Variants in FBXL19 observed in about 807,000 individuals in gnomAD.
FBXL19 encodes F-box/LRR-repeat protein 19.
A neutral mutation model predicts 71.2 loss-of-function variants in FBXL19; 16 were observed. The ratio of observed to expected loss-of-function variants is 0.22; its 90% CI spans 0.15 to 0.34. FBXL19 has a LOEUF of 0.34. Ranked by LOEUF, FBXL19 falls within the 10% of genes least tolerant of loss-of-function variation. The probability of loss-of-function intolerance (pLI) is 1.00; values close to 1 mark genes in which losing one functional copy is unlikely to be tolerated. For missense variants in FBXL19, 658 were observed against 968.2 expected, an observed-to-expected ratio of 0.68 and a Z score of 4.25; for synonymous variants, 447 against 409.4, an observed-to-expected ratio of 1.09 and a Z score of -1.11.
At chr16:30,936,531 T>C (rs2055735167) in intron 7 of FBXL19, among the ~76,000 whole-genome samples, 1 of 150,996 alleles carries the variant, frequency 6.6e-6, no homozygotes, top group East Asian at 1.9e-4. Context: ...ATTCACGCCA[T>C]TCTCCTGCCT....
At position 30,925,292 on chromosome 16, in the gene FBXL19, G is replaced by A. The variant is rs564975738; in HGVS notation, c.-24-439G>A. On this transcript the variant is annotated intron_variant, in intron 1 of 10. Transcript: ENST00000338343. This position sits in a 1 kb window ranked among gnomAD's most constrained non-coding sequence, Gnocchi z 5.0. ...AGGAATCTCTGGGTATCTGGGAGGT[G>A]AATCTGGGCAGTTTACCCCAGATTG... 6.6e-6 allele frequency among the ~76,000 whole-genome samples: 1 copy of A among 152,234 alleles called. No homozygotes were observed. Among genetic ancestry groups the A allele is most frequent in the Non-Finnish European group, 1.5e-5 (1 of 67,984 alleles).
intron 7 of FBXL19, among the ~76,000 whole-genome samples, chr16:30,939,046 ACT>A (rs1257991562): frequency 1.3e-5 from 2 of 151,434 alleles, no homozygotes; most frequent in East Asian, 3.9e-4. Flanking sequence ...GGATTTAATA[ACT>A]CTGGTCTTTT....
intron 7 of FBXL19, among the ~76,000 whole-genome samples, chr16:30,932,362 CAT>C (rs1443608250): frequency 2.6e-5 from 4 of 152,210 alleles, no homozygotes; most frequent in Non-Finnish European, 5.9e-5. Flanking sequence ...ACACCTGCCT[CAT>C]GTACTAATCA....
At position 30,942,275 on chromosome 16, in the gene FBXL19, A is replaced by G. The variant is rs756515255; in HGVS notation, c.1461A>G (p.Leu487=). ...KKQLMWLLNR[L]QGLQELVLSG... is the part of the protein sequence containing the mutation. ...AGCTCATGTGGCTTCTGAACCGACT[A>G]CAAGGTAGGGTGTGTGGTACGGAGG... The change falls in exon 8 of 11, where the codon CTA becomes CTG. Residue 487 remains leucine, a synonymous_variant. Transcript: ENST00000338343. The surrounding 1 kb of genome is among the most constrained non-coding windows in gnomAD (Gnocchi z 5.7). 1.8e-5 allele frequency: 29 copies of G among 1,600,022 alleles called. No homozygotes were observed. The highest frequency in any genetic ancestry group is 2.3e-5 in the Non-Finnish European group (27 of 1,173,276).
chr16:30,933,150 G>A (rs570880800), intron 7 of FBXL19, among the ~76,000 whole-genome samples: 2 of 152,036 alleles, frequency 1.3e-5, no homozygotes, highest in South Asian at 2.1e-4. Context: ...ACAGGCATAC[G>A]GTACCACGCC....
intron 7 of FBXL19, among the ~76,000 whole-genome samples, chr16:30,937,847 G>A (rs1279094445): frequency 1.3e-5 from 2 of 152,098 alleles, no homozygotes; most frequent in Non-Finnish European, 2.9e-5. Flanking sequence ...TTCCAGCTGT[G>A]GACCGTGGAA....
Position 30,941,026 on chromosome 16 carries a change from T to C in FBXL19, c.1302-1090T>C, listed in dbSNP as rs568732438. On this transcript the variant is annotated intron_variant, in intron 7 of 10. Transcript: ENST00000338343. ...GGAGTGCTCGGGTTAGGAAACCTGT[T>C]TAATGTTGCTTAGGACTCGTTCATC... is the stretch of plus-strand genomic sequence containing the variant. Among the ~76,000 whole-genome samples the C allele has an allele frequency of 1.1e-4, 17 of 152,312 alleles. No homozygotes were observed. The East Asian group carries it at 3.3e-3, about 29-fold the overall frequency.
intron 7 of FBXL19, among the ~76,000 whole-genome samples, chr16:30,940,735 C>T (rs529848653): frequency 3.9e-5 from 6 of 152,144 alleles, no homozygotes; most frequent in East Asian, 1.9e-4. Context: ...GGTGCGATCT[C>T]GGCTCGCTGC....
In FBXL19 at chr16:30,942,283, G is replaced by A; in HGVS notation, c.1465+4G>A. ...TGGCTTCTGAACCGACTACAAGGTA[G>A]GGTGTGTGGTACGGAGGACAGGGTG... On this transcript the variant is annotated splice_donor_region_variant and intron_variant, in intron 8 of 10. Transcript: ENST00000338343. The surrounding 1 kb of genome is among the most constrained non-coding windows in gnomAD (Gnocchi z 5.7). The A allele has an allele frequency of 6.3e-7, 1 of 1,599,440 alleles. No homozygotes were observed. The highest frequency in any genetic ancestry group is 8.5e-7 in the Non-Finnish European group (1 of 1,172,394).
At chr16:30,941,051 C>A (rs758778137) in intron 7 of FBXL19, among the ~76,000 whole-genome samples, 8 of 152,142 alleles carry the variant, frequency 5.3e-5, no homozygotes, top group Non-Finnish European at 7.3e-5. Context: ...ACTCGTTCAT[C>A]TTTGTAGCTT....
chr16:30,947,550 G>T lies in FBXL19; in HGVS notation c.*320G>T. On this transcript the variant is annotated 3_prime_UTR_variant, in exon 11 of 11. Transcript: ENST00000338343. ...GGGGTTATGGTGCAAGTGTTGGGGGGGAGAATGGGGAAAGGACACACACAG... is the reference window on the plus strand; with the variant it reads ...GGGGTTATGGTGCAAGTGTTGGGGGTGAGAATGGGGAAAGGACACACACAG... 2 of 345,780 alleles carry T rather than the reference G, an allele frequency of 5.8e-6. No individual in the cohort carries two copies. Among genetic ancestry groups the T allele is most frequent in the South Asian group, 5.3e-5 (2 of 37,730 alleles). The allele number at this position is 345,780 out of a possible 1,614,324, so 21.4% of individuals were successfully genotyped here.
Position 30,942,355 on chromosome 16 carries a change from T to C in FBXL19, c.1466-20T>C. On this transcript the variant is annotated intron_variant, in intron 8 of 10. Transcript: ENST00000338343. This position sits in a 1 kb window ranked among gnomAD's most constrained non-coding sequence, Gnocchi z 5.7. ...TGGAGTCCTCACAGCACCTGCTTCC[T>C]GACTGCCCCCTCTCCGCAGGCCTGC... 1.2e-6 allele frequency: 2 copies of C among 1,607,158 alleles called. No individual in the cohort carries two copies. Among genetic ancestry groups the C allele is most frequent in the Non-Finnish European group, 1.7e-6 (2 of 1,176,114 alleles).
At chr16:30,928,318 G>A in intron 5 of FBXL19, 149 bp from the exon 6 acceptor site, 13 of 841,134 alleles carry the variant, frequency 1.5e-5, no homozygotes, top group Non-Finnish European at 2.3e-5. Flanking sequence ...TAGGACGCTG[G>A]GTGCAAGGTG....
intron 9 of FBXL19, among the ~76,000 whole-genome samples, chr16:30,944,696 C>T (rs2055840522): frequency 6.6e-6 from 1 of 152,206 alleles, no homozygotes; most frequent in African/African-American, 2.4e-5. Context: ...GAAATCCTCA[C>T]TGATGCCTAC....
At position 30,930,699 on chromosome 16, in the gene FBXL19, T is replaced by C. The variant is rs762699900; in HGVS notation, c.1301+115T>C. 10 of 1,159,588 alleles carry C rather than the reference T, an allele frequency of 8.6e-6. No homozygotes were observed. The highest frequency in any genetic ancestry group is 1.0e-5 in the Non-Finnish European group (9 of 876,166). The allele number at this position is 1,159,588 out of a possible 1,614,324, so 71.8% of individuals were successfully genotyped here. A position where few individuals can be genotyped will look rare whatever the true frequency, so the allele number is the denominator to read the frequency against. On this transcript the variant is annotated intron_variant, in intron 7 of 10. Transcript: ENST00000338343. The surrounding 1 kb of genome is among the most constrained non-coding windows in gnomAD (Gnocchi z 8.5). ...CTTGCTTTTATATTGGGGATACTTC[T>C]CTAGTATGCACAGATTACAGTGCAT... is the stretch of plus-strand genomic sequence containing the variant.
intron 7 of FBXL19, among the ~76,000 whole-genome samples, chr16:30,941,420 C>T (rs975858080): frequency 8.5e-5 from 13 of 152,078 alleles, no homozygotes; most frequent in African/African-American, 1.4e-4. Flanking sequence ...GTTGAGGCTG[C>T]GGTGAGCCTG....
At chr16:30,924,655 A>G (rs2055568689) in intron 1 of FBXL19, 196 bp downstream of exon 1, 2 of 1,401,510 alleles carry the variant, frequency 1.4e-6, no homozygotes, top group East Asian at 3.0e-5. Context: ...CTTCCCCTTG[A>G]AAGCCCCCAC....
intron 9 of FBXL19, among the ~76,000 whole-genome samples, chr16:30,945,849 GAA>G (rs11464927): frequency 2.8e-4 from 24 of 86,822 alleles, no homozygotes; most frequent in East Asian, 2.4e-3. Context: ...CCGTCTCGGG[GAA>G]AAAAAAAAAA....
chr16:30,928,354 C>G, intron 5 of FBXL19, 113 bp from the exon 6 acceptor site: 2 of 1,159,142 alleles, frequency 1.7e-6, no homozygotes, highest in Non-Finnish European at 2.4e-6. Flanking sequence ...ATCCCTGGGA[C>G]GGGGGCTTCT....
Sources: allele counts gnomAD v4.1 joint callset (sites outside exome capture counted in the v4.1 genomes callset), GRCh38; gene constraint gnomAD v4.1.1; non-coding constraint Gnocchi (gnomAD v3.1); transcripts MANE v1.5; gene names NCBI Gene and HGNC (gene_info 2026-07-23, HGNC 2026-07-21).